WDR27: variants seen among roughly 807,000 people sequenced by gnomAD.
WDR27 encodes WD repeat domain 27.
WDR27 carries 100 observed loss-of-function variants against 114.4 expected under a neutral mutation model. The ratio of observed to expected loss-of-function variants is 0.87; its 90% CI spans 0.74 to 1.03. The LOEUF is 1.03. Ranked by LOEUF, WDR27 falls within the 50% of genes least tolerant of loss-of-function variation. The probability of loss-of-function intolerance (pLI) is 0.00; values close to 1 mark genes in which losing one functional copy is unlikely to be tolerated. For synonymous variants in WDR27, 449 were observed against 423.1 expected, an observed-to-expected ratio of 1.06 and a Z score of -0.75; for missense variants, 1,129 against 1,092.9, an observed-to-expected ratio of 1.03 and a Z score of -0.47.
chr6:169,600,490 A>G (rs1212289843), intron 23 of WDR27, among the ~76,000 whole-genome samples: 2 of 152,256 alleles, frequency 1.3e-5, no homozygotes, highest in Non-Finnish European at 2.9e-5. Context: ...TTGAGAGAAG[A>G]AGGCTTCGGA....
chr6:169,429,345 G>A, the WDR27 span, among the ~76,000 whole-genome samples: 2 of 151,990 alleles, frequency 1.3e-5, no homozygotes. Context: ...GGAGCCCACC[G>A]GATGGCTTCT....
chr6:169,624,137 G>A (rs1190282523), intron 21 of WDR27, among the ~76,000 whole-genome samples: 6 of 151,594 alleles, frequency 4.0e-5, no homozygotes, highest in Non-Finnish European at 7.4e-5. Context: ...TGTGGTGTCA[G>A]GTGTGCCGTG....
chr6:169,692,293 T>C (rs1024723962), intron 1 of WDR27, among the ~76,000 whole-genome samples: 1 of 152,152 alleles, frequency 6.6e-6, no homozygotes, highest in African/African-American at 2.4e-5. Context: ...CCAGAGGAAT[T>C]AGGGAGAGGT....
At chr6:169,616,855 CAT>C (rs959259498) in intron 21 of WDR27, among the ~76,000 whole-genome samples, 18 of 152,074 alleles carry the variant, frequency 1.2e-4, no homozygotes, top group African/African-American at 3.6e-4. Flanking sequence ...AAAATTAACT[CAT>C]GTGGAAATCT....
the WDR27 span, among the ~76,000 whole-genome samples, chr6:169,441,719 T>G: frequency 6.6e-6 from 1 of 152,316 alleles, no homozygotes; most frequent in Middle Eastern, 3.4e-3. Context: ...TGCCAATGAA[T>G]TTTCTTTCAC....
At chr6:169,555,202 G>T (rs536374158) in intron 25 of WDR27, among the ~76,000 whole-genome samples, 2 of 152,156 alleles carry the variant, frequency 1.3e-5, no homozygotes, top group Non-Finnish European at 2.9e-5. Context: ...TAAAGCCTGC[G>T]ATGGAGACAC....
chr6:169,567,492 T>TG (rs1562596602), intron 25 of WDR27, among the ~76,000 whole-genome samples: 1 of 152,118 alleles, frequency 6.6e-6, no homozygotes, highest in South Asian at 2.1e-4. Flanking sequence ...CAGGAACTCC[T>TG]GGGGGGCTCC....
At chr6:169,492,489 C>A (rs560079090) in intron 25 of WDR27, among the ~76,000 whole-genome samples, 1 of 152,106 alleles carries the variant, frequency 6.6e-6, no homozygotes, top group Non-Finnish European at 1.5e-5. Context: ...CAACATTAGA[C>A]ACCCGAAGGC....
intron 21 of WDR27, among the ~76,000 whole-genome samples, chr6:169,615,602 C>A (rs1336194950): frequency 1.3e-5 from 2 of 152,122 alleles, no homozygotes; most frequent in African/African-American, 4.8e-5. Flanking sequence ...GAAACTGGAC[C>A]CCTTCCTTAC....
In WDR27 at chr6:169,548,262, G is replaced by A. The variant is rs563094166; in HGVS notation, c.2645+24157C>T. Among the ~76,000 whole-genome samples, 7 of 150,964 alleles carry A rather than the reference G, an allele frequency of 4.6e-5. No homozygotes were observed. In the East Asian group the frequency reaches 5.9e-4, roughly 13 times the overall value. On this transcript the variant is annotated intron_variant, in intron 25 of 25. Transcript: ENST00000448612. ...TCCAGGTGTCGGTTCTTCCCAATTC[G>A]ATCTACACATTCAGTGCAACCCCAA...
chr6:169,701,016 C>G (rs922872825), intron 1 of WDR27, among the ~76,000 whole-genome samples: 2 of 152,122 alleles, frequency 1.3e-5, no homozygotes, highest in Non-Finnish European at 2.9e-5. Context: ...CAAGTGATTG[C>G]TAAAGATACC....
intron 25 of WDR27, among the ~76,000 whole-genome samples, chr6:169,470,489 T>C (rs761327364): frequency 1.5e-4 from 23 of 152,364 alleles, no homozygotes; most frequent in Admixed American, 1.1e-3. Flanking sequence ...ACTACATGGC[T>C]TGAAAAATAG....
intron 25 of WDR27, among the ~76,000 whole-genome samples, chr6:169,482,391 T>C (rs1039421188): frequency 2.0e-5 from 3 of 152,196 alleles, no homozygotes; most frequent in Admixed American, 6.5e-5. Flanking sequence ...TCCACAATGG[T>C]TGAACTAATT....
intron 17 of WDR27, among the ~76,000 whole-genome samples, chr6:169,642,815 G>A (rs779385676): frequency 2.0e-5 from 3 of 152,190 alleles, no homozygotes; most frequent in Admixed American, 6.5e-5. Context: ...CCCCACCTCC[G>A]CGTTTCCTAA....
chr6:169,536,450 C>T (rs1796197014), intron 25 of WDR27, among the ~76,000 whole-genome samples: 2 of 152,140 alleles, frequency 1.3e-5, no homozygotes, highest in Non-Finnish European at 2.9e-5. Flanking sequence ...CTGTAATAAT[C>T]CTAAGTTTAT....
intron 21 of WDR27, among the ~76,000 whole-genome samples, chr6:169,628,869 T>C (rs890093449): frequency 6.6e-6 from 1 of 152,178 alleles, no homozygotes; most frequent in South Asian, 2.1e-4. Context: ...ACAAAAGAAC[T>C]GTGTGAGAGT....
chr6:169,458,584 A>G (rs1352317471), intron 25 of WDR27, among the ~76,000 whole-genome samples: 1 of 152,170 alleles, frequency 6.6e-6, no homozygotes, highest in African/African-American at 2.4e-5. Context: ...TGAGGTCAGG[A>G]GTTCAAGGCC....
chr6:169,630,503 T>C (rs932463435), intron 21 of WDR27, among the ~76,000 whole-genome samples: 4 of 152,234 alleles, frequency 2.6e-5, no homozygotes, highest in Admixed American at 2.0e-4. Context: ...ATAAATTTAG[T>C]AGGTCAGATT....
Position 169,643,729 on chromosome 6 carries a change from G to T in WDR27, c.1715C>A (p.Ala572Asp), listed in dbSNP as rs1204627806. Residue 572 changes from alanine to aspartate, a missense_variant, in exon 17 of 26, where the codon GCC becomes GAC. By Grantham distance (126) the Ala-to-Asp change is moderately radical (BLOSUM62 -2). Coordinates refer to ENST00000448612, the MANE Select transcript of WDR27 (RefSeq NM_182552.5). The stretch of plus-strand genomic sequence containing the variant: ...CACAGCAGGTGTCCCAGTCAGGCTG[G>T]CATCAAAAACGAGTAACAGATGGTT... Reference protein sequence around the residue: ...LANHLLLVFDASLTGTPAVFS... With the variant: ...LANHLLLVFDDSLTGTPAVFS... 6.8e-6 allele frequency: 11 copies of T among 1,613,492 alleles called. No individual in the cohort carries two copies. Among genetic ancestry groups the T allele is most frequent in the Non-Finnish European group, 9.3e-6 (11 of 1,179,724 alleles).
Sources: allele counts gnomAD v4.1 joint callset (sites outside exome capture counted in the v4.1 genomes callset), GRCh38; gene constraint gnomAD v4.1.1; transcripts MANE v1.5; gene names NCBI Gene and HGNC (gene_info 2026-07-23, HGNC 2026-07-21).